The following IL1RAPL1 variants were observed in gnomAD, a reference collection of about 807,000 sequenced individuals.
IL1RAPL1 encodes interleukin-1 receptor accessory protein-like 1.
Under a neutral mutation model 48.4 loss-of-function variants are expected in IL1RAPL1, and 3 were observed. The observed-to-expected ratio is 0.06, with a 90% CI of 0.03 to 0.16. IL1RAPL1 has a LOEUF of 0.16. IL1RAPL1 is among the 10% of genes least tolerant of loss of function. The pLI is 1.00. For synonymous variants in IL1RAPL1, 185 were observed against 187.7 expected, an observed-to-expected ratio of 0.99 and a Z score of 0.12; for missense variants, 349 against 530.6, an observed-to-expected ratio of 0.66 and a Z score of 3.36.
chrX:29,727,517 G>A (rs1246978381), intron 6 of IL1RAPL1, among the ~76,000 whole-genome samples: 1 of 111,970 alleles, frequency 8.9e-6, no homozygotes, highest in Admixed American at 9.5e-5. Flanking sequence ...CGGTTACCTG[G>A]GATACTACTT....
intron 2 of IL1RAPL1, among the ~76,000 whole-genome samples, chrX:29,133,783 C>T (rs996254123): frequency 2.7e-5 from 3 of 111,787 alleles, no homozygotes; most frequent in Non-Finnish European, 5.6e-5. Flanking sequence ...GTCACCATTA[C>T]AGTATCATAC....
At chrX:29,277,439 T>TA (rs772481264) in intron 2 of IL1RAPL1, among the ~76,000 whole-genome samples, 1 of 112,479 alleles carries the variant, frequency 8.9e-6, no homozygotes, top group East Asian at 2.8e-4. Context: ...GATTAACAGT[T>TA]AAAGAATTGT....
At chrX:29,806,185 C>T (rs1325137359) in intron 6 of IL1RAPL1, among the ~76,000 whole-genome samples, 2 of 111,066 alleles carry the variant, frequency 1.8e-5, no homozygotes, top group Non-Finnish European at 3.8e-5. Flanking sequence ...TGCTCTTGCT[C>T]TATGTACATG....
intron 3 of IL1RAPL1, among the ~76,000 whole-genome samples, chrX:29,346,446 G>A (rs1259282810): frequency 8.9e-6 from 1 of 112,033 alleles, no homozygotes; most frequent in Non-Finnish European, 1.9e-5. Flanking sequence ...GCTTGAACCT[G>A]TGCTCTTAGT....
intron 5 of IL1RAPL1, among the ~76,000 whole-genome samples, chrX:29,585,130 A>G (rs1046519357): frequency 1.8e-5 from 2 of 112,189 alleles, no homozygotes; most frequent in Non-Finnish European, 3.8e-5. Flanking sequence ...CTATAGGTAC[A>G]ATGTTATACA....
intron 2 of IL1RAPL1, among the ~76,000 whole-genome samples, chrX:29,231,796 C>G (rs1931206904): frequency 1.8e-5 from 2 of 111,940 alleles, no homozygotes; most frequent in South Asian, 7.4e-4. Context: ...CTGCTGTATA[C>G]CATGCAAAGC....
chrX:29,109,945 G>A (rs982312580), intron 2 of IL1RAPL1, among the ~76,000 whole-genome samples: 6 of 111,665 alleles, frequency 5.4e-5, no homozygotes, highest in Admixed American at 1.9e-4. Flanking sequence ...TCCTTTTAAC[G>A]TTTCATGGAA....
chrX:29,480,291 C>CATATATATAT (rs61703733), intron 5 of IL1RAPL1, among the ~76,000 whole-genome samples: 2,982 of 76,398 alleles, frequency 0.039, 97 homozygotes, highest in South Asian at 0.068. Flanking sequence ...CACACATATA[C>CATATATATAT]ATATATATAT....
chrX:28,720,699 C>A (rs145797901), intron 1 of IL1RAPL1, among the ~76,000 whole-genome samples: 1,558 of 111,532 alleles, frequency 0.014, 71 homozygotes, highest in Admixed American at 0.12. Flanking sequence ...ATGCTGCACC[C>A]ATTAACTTGT....
At chrX:29,790,202 C>A (rs1024178924) in intron 6 of IL1RAPL1, among the ~76,000 whole-genome samples, 1 of 111,746 alleles carries the variant, frequency 8.9e-6, no homozygotes, top group African/African-American at 3.2e-5. Context: ...GGAAACATCA[C>A]CACTAGGATT....
At chrX:29,903,143 G>A (rs1248941841) in intron 6 of IL1RAPL1, among the ~76,000 whole-genome samples, 11 of 102,471 alleles carry the variant, frequency 1.1e-4, no homozygotes, top group Non-Finnish European at 1.8e-4. Flanking sequence ...AAGTTCCAAC[G>A]AACTTCATTT....
chrX:29,262,849 C>G (rs753792848), intron 2 of IL1RAPL1, among the ~76,000 whole-genome samples: 1 of 110,875 alleles, frequency 9.0e-6, no homozygotes, highest in African/African-American at 3.3e-5. Flanking sequence ...AATGTAAAAT[C>G]CAATAGGTAA....
chrX:29,425,116 T>C (rs1934334878), intron 5 of IL1RAPL1, among the ~76,000 whole-genome samples: 1 of 111,804 alleles, frequency 8.9e-6, no homozygotes, highest in Non-Finnish European at 1.9e-5. Flanking sequence ...GACTTCAGAC[T>C]TTCCCTTTAT....
chrX:29,569,632 C>CAA (rs748577565), intron 5 of IL1RAPL1, among the ~76,000 whole-genome samples: 1 of 79,041 alleles, frequency 1.3e-5, no homozygotes, highest in African/African-American at 4.8e-5. Context: ...AATAAAATTG[C>CAA]AAAAAAAAAA....
rs762863105 is a variant in IL1RAPL1 at position 28,910,729 on chromosome X, A to G, written c.82+121304A>G. 1.5e-4 allele frequency among the ~76,000 whole-genome samples: 16 copies of G among 109,595 alleles called. No individual in the cohort carries two copies. The South Asian group carries it at 6.3e-3, about 43-fold the overall frequency. On this transcript the variant is annotated intron_variant, in intron 2 of 10. Coordinates refer to ENST00000378993, the MANE Select transcript of IL1RAPL1 (RefSeq NM_014271.4). ...CTTAAGTGTGCTTATGTGTAACCCT[A>G]ATTCATCACTGTCCAATGGTTAATA...
At chrX:29,550,358 ATTC>A (rs1347530628) in intron 5 of IL1RAPL1, among the ~76,000 whole-genome samples, 16 of 110,549 alleles carry the variant, frequency 1.4e-4, no homozygotes, top group Non-Finnish European at 2.3e-4. Flanking sequence ...CGCCCGGCTA[ATTC>A]TTTTTTGTAT....
rs201969024 is a variant in IL1RAPL1 at position 29,329,813 on chromosome X, T to TAA, written c.362+46612_362+46613dup. ...GGGCAACAAGTATGAAACTCCGTCT[T>TAA]AAAAAAAAAAAAAAAAACAACTACT... is the stretch of plus-strand genomic sequence containing the variant. On this transcript the variant is annotated intron_variant, in intron 3 of 10. Transcript: ENST00000378993. 1.3e-4 allele frequency among the ~76,000 whole-genome samples: 11 copies of TAA among 83,351 alleles called. 1 individual carries two copies. The highest frequency in any genetic ancestry group is 3.7e-4 in the East Asian group (1 of 2,723). 72.4% of individuals were successfully genotyped at this position (83,351 alleles called of 115,157 possible).
intron 1 of IL1RAPL1, among the ~76,000 whole-genome samples, chrX:28,762,788 A>G (rs6630752): frequency 0.022 from 1,025 of 46,657 alleles, 2 homozygotes; most frequent in Middle Eastern, 0.037. Context: ...ACGCGCGCGC[A>G]CACACACACA....
chrX:29,600,964 C>T (rs1923701666), intron 5 of IL1RAPL1, among the ~76,000 whole-genome samples: 1 of 111,001 alleles, frequency 9.0e-6, no homozygotes, highest in African/African-American at 3.3e-5. Flanking sequence ...GCAGCTGGTG[C>T]CCAGGGCTGA....
Sources: gnomAD v4.1 joint callset for allele counts (sites outside exome capture counted in the v4.1 genomes callset) on GRCh38, gnomAD v4.1.1 for gene constraint, MANE v1.5 for transcripts, NCBI Gene and HGNC (gene_info 2026-07-23, HGNC 2026-07-21) for gene names.